PARP14: variants seen among roughly 807,000 people sequenced by gnomAD.
PARP14 encodes poly(ADP-ribose) polymerase family member 14, also known as protein mono-ADP-ribosyltransferase PARP14.
Under a neutral mutation model 154.2 loss-of-function variants are expected in PARP14, and 59 were observed. The observed-to-expected ratio is 0.38, with a 90% CI of 0.31 to 0.48. The LOEUF is 0.48. PARP14 is among the 20% of genes least tolerant of loss of function. The pLI is 0.98. For missense variants in PARP14, 1,734 were observed against 2,131.6 expected, an observed-to-expected ratio of 0.81 and a Z score of 3.67; for synonymous variants, 720 against 780.5, an observed-to-expected ratio of 0.92 and a Z score of 1.29.
chr3:122,707,413 A>AAATAAATG (rs1939195019), intron 8 of PARP14, among the ~76,000 whole-genome samples: 1 of 151,494 alleles, frequency 6.6e-6, no homozygotes, highest in Non-Finnish European at 1.5e-5. Context: ...ATAAATAAAT[A>AAATAAATG]AATAAAGGAT....
At chr3:122,684,275 C>G (rs1938302011) in intron 1 of PARP14, among the ~76,000 whole-genome samples, 1 of 152,224 alleles carries the variant, frequency 6.6e-6, no homozygotes, top group African/African-American at 2.4e-5. Flanking sequence ...TCCCTGACCT[C>G]TTTGTACTAT....
intron 12 of PARP14, among the ~76,000 whole-genome samples, chr3:122,717,583 G>A (rs1339151490): frequency 6.6e-6 from 1 of 152,174 alleles, no homozygotes; most frequent in African/African-American, 2.4e-5. Context: ...TTCAAATTAG[G>A]TTCCCAGAGA....
intron 3 of PARP14, among the ~76,000 whole-genome samples, chr3:122,690,402 T>A (rs1021291389): frequency 3.3e-5 from 5 of 152,180 alleles, no homozygotes; most frequent in African/African-American, 9.7e-5. Context: ...ATTTTTTTTT[T>A]AATTTAGCAT....
At chr3:122,720,526 C>T (rs772773699) in intron 15 of PARP14, 138 bp downstream of exon 15, 1 of 761,064 alleles carries the variant, frequency 1.3e-6, no homozygotes, top group East Asian at 2.7e-5. Flanking sequence ...ATTAGTAGTT[C>T]TAGATTCTAC....
intron 3 of PARP14, among the ~76,000 whole-genome samples, chr3:122,692,017 C>T (rs1938557029): frequency 1.3e-5 from 2 of 152,086 alleles, no homozygotes; most frequent in Non-Finnish European, 2.9e-5. Context: ...TACCCACCAG[C>T]AATAAATGAA....
rs747056109 is a variant in PARP14, at chr3:122,701,342, T to C, written c.2788T>C (p.Leu930=). Residue 930 remains leucine (L), a synonymous_variant, in exon 6 of 17, where the codon TTA becomes CTA. Coordinates refer to ENST00000474629, the MANE Select transcript of PARP14 (RefSeq NM_017554.3). The surrounding 1 kb of genome is among the most constrained non-coding windows in gnomAD (Gnocchi z 4.0). ...TAGTTCTGGAGTCTTTGGCTTTCCC[T>C]TAGGCCGATGCGTGGAGACCATTGT... ...AISSGVFGFP[L]GRCVETIVSA... 6.2e-7 allele frequency: 1 copy of C among 1,614,090 alleles called. No homozygotes were observed. Among genetic ancestry groups the C allele is most frequent in the East Asian group, 2.2e-5 (1 of 44,890 alleles).
chr3:122,717,987 G>A (rs1237933469), intron 12 of PARP14, 84 bp from the exon 13 acceptor site: 2 of 992,790 alleles, frequency 2.0e-6, no homozygotes, highest in African/African-American at 3.2e-5. Flanking sequence ...TTTATTCTCT[G>A]AGCATTGGAA....
At position 122,680,996 on chromosome 3, in the gene PARP14, G is replaced by T; in HGVS notation, c.113G>T (p.Gly38Val). 6.2e-7 allele frequency: 1 copy of T among 1,613,878 alleles called. No homozygotes were observed. Among genetic ancestry groups the T allele is most frequent in the Non-Finnish European group, 8.5e-7 (1 of 1,179,792 alleles). ...TACTTCCAGAGCCCGAAGAGGTCGG[G>T]AGGCGGCGAGTGTGAGGTCCGCCAG... ...QMYFQSPKRSGGGECEVRQDP... is the reference protein window; with the variant it reads ...QMYFQSPKRSVGGECEVRQDP... The change falls in exon 1 of 17, where the codon GGA becomes GTA. Residue 38 changes from glycine (G) to valine (V), a missense_variant. Physicochemically the swap from Gly to Val is moderately radical, Grantham distance 109. Transcript: ENST00000474629.
In PARP14 at chr3:122,703,826, C is replaced by T. The variant is rs371996991; in HGVS notation, c.3166C>T (p.Pro1056Ser). ...TAAGTCCCTCTTGGAAAAAGCTGGA[C>T]CAGAGCTCCAGGAGGAATTGGACAC... ...LSKSLLEKAGPELQEELDTVG... is the reference protein window; with the variant it reads ...LSKSLLEKAGSELQEELDTVG... The change falls in exon 7 of 17, where the codon CCA becomes TCA. Residue 1056 changes from proline (P) to serine (S), a missense_variant. By Grantham distance (74) the Pro-to-Ser change is moderately conservative (BLOSUM62 -1). Transcript: ENST00000474629. The T allele has an allele frequency of 1.9e-6, 3 of 1,613,726 alleles. No homozygotes were observed. In the African/African-American group the frequency reaches 4.0e-5, roughly 22 times the overall value.
chr3:122,726,819 T>G (rs952005880), intron 15 of PARP14, among the ~76,000 whole-genome samples: 3 of 151,790 alleles, frequency 2.0e-5, no homozygotes, highest in Non-Finnish European at 4.4e-5. Flanking sequence ...AGATAAAATG[T>G]AAGGTAAATG....
chr3:122,705,580 C>A (rs974273969), intron 8 of PARP14, among the ~76,000 whole-genome samples: 2 of 152,150 alleles, frequency 1.3e-5, no homozygotes, highest in African/African-American at 4.8e-5. Context: ...GCACAACAGG[C>A]TTTTAAGCCA....
chr3:122,690,770 C>T (rs1938515836), intron 3 of PARP14, among the ~76,000 whole-genome samples: 1 of 152,192 alleles, frequency 6.6e-6, no homozygotes, highest in Non-Finnish European at 1.5e-5. Flanking sequence ...CCTCGTTCTC[C>T]CAAAGTGCTG....
chr3:122,712,583 C>A (rs965418376), intron 9 of PARP14, among the ~76,000 whole-genome samples: 13 of 148,354 alleles, frequency 8.8e-5, no homozygotes, highest in Admixed American at 3.4e-4. Flanking sequence ...GACAGAGTCT[C>A]ACTCTGTCAC....
At chr3:122,720,737 A>G in intron 15 of PARP14, 2 of 464,204 alleles carry the variant, frequency 4.3e-6, no homozygotes, top group Non-Finnish European at 8.6e-6. Flanking sequence ...GATCAGGACC[A>G]TGTTACTCTG....
At chr3:122,725,428 G>T (rs1332205571) in intron 15 of PARP14, among the ~76,000 whole-genome samples, 1 of 152,134 alleles carries the variant, frequency 6.6e-6, no homozygotes, top group African/African-American at 2.4e-5. Flanking sequence ...GCCGGGCAGA[G>T]GCGAATTTTT....
chr3:122,687,301 C>T (rs1306625321), intron 3 of PARP14, among the ~76,000 whole-genome samples, 188 bp downstream of exon 3: 4 of 152,178 alleles, frequency 2.6e-5, no homozygotes, highest in Non-Finnish European at 5.9e-5. Flanking sequence ...TTTTAGCGCT[C>T]AGGTCATAAT....
chr3:122,725,888 A>G (rs1456407809), intron 15 of PARP14, among the ~76,000 whole-genome samples: 1 of 151,180 alleles, frequency 6.6e-6, no homozygotes, highest in Non-Finnish European at 1.5e-5. Context: ...CTTTTGCATT[A>G]TTTCTATTTC....
intron 2 of PARP14, 51 bp downstream of exon 2, chr3:122,685,369 G>T (rs939012157): frequency 5.2e-6 from 8 of 1,535,868 alleles, no homozygotes; most frequent in African/African-American, 1.4e-5. Context: ...CCCAAGGTGT[G>T]TGAGATGGGA....
At position 122,699,938 on chromosome 3, in the gene PARP14, A is replaced by G. The variant is rs750293413; in HGVS notation, c.1384A>G (p.Arg462Gly). 2.5e-6 allele frequency: 4 copies of G among 1,613,882 alleles called. No homozygotes were observed. The highest frequency in any genetic ancestry group is 3.4e-6 in the Non-Finnish European group (4 of 1,179,878). Residue 462 changes from arginine (R) to glycine (G), a missense_variant, in exon 6 of 17, where the codon AGG becomes GGG. This residue lies in a region of PARP14 where 1,646 missense variants were observed against 1,976.0 expected (regional missense o/e 0.83). Coordinates refer to ENST00000474629, the MANE Select transcript of PARP14 (RefSeq NM_017554.3). ...AGAAAGCACTACTCAAAAAATTAAA[A>G]GGGAAGAGCAAAGTTTGAAGGAAAA... is the stretch of plus-strand genomic sequence containing the variant. ...LIESTTQKIK[R>G]EEQSLKEKMI...
Sources: gnomAD v4.1 joint callset for allele counts (sites outside exome capture counted in the v4.1 genomes callset) on GRCh38, gnomAD v4.1.1 for gene constraint, gnomAD v4.1.1 regional missense constraint, Gnocchi (gnomAD v3.1) non-coding constraint, MANE v1.5 for transcripts, NCBI Gene and HGNC (gene_info 2026-07-23, HGNC 2026-07-21) for gene names.